The following UNC5D variants were observed in gnomAD, a reference collection of about 807,000 sequenced individuals.
UNC5D encodes the protein netrin receptor UNC5D.
A neutral mutation model predicts 105.4 loss-of-function variants in UNC5D; 39 were observed. The observed-to-expected ratio is 0.37, with a 90% confidence interval of 0.29 to 0.48. The LOEUF is 0.48. Ranked by LOEUF, UNC5D falls within the 20% of genes least tolerant of loss-of-function variation. The pLI, the probability that UNC5D is intolerant of heterozygous loss-of-function variation, is 0.98. For synonymous variants in UNC5D, 452 were observed against 450.4 expected (o/e 1.00, Z -0.04); for missense variants, 991 against 1,202.4 (o/e 0.82, Z 2.60).
chr8:35,494,932 T>A (rs1811449965), intron 1 of UNC5D, among the ~76,000 whole-genome samples: 1 of 152,172 alleles, frequency 6.6e-6, no homozygotes, highest in South Asian at 2.1e-4. Flanking sequence ...CTGGCATTTA[T>A]TCTAGCCTAT....
In UNC5D at chr8:35,341,771, A is replaced by G. The variant is rs1563328228; in HGVS notation, c.103+105884A>G. Among the ~76,000 whole-genome samples, 5 of 152,234 alleles carry G rather than the reference A, an allele frequency of 3.3e-5. No individual in the cohort carries two copies. The East Asian group carries it at 9.7e-4, about 29-fold the overall frequency. On this transcript the variant is annotated intron_variant, in intron 1 of 16. Transcript: ENST00000404895. ...GGAATTAATAGTGAAACATGCAGCA[A>G]CCAGCTAATTTTTTAAAAAATGAGA...
At chr8:35,319,589 T>C (rs974843796) in intron 1 of UNC5D, among the ~76,000 whole-genome samples, 1 of 152,130 alleles carries the variant, frequency 6.6e-6, no homozygotes, top group Non-Finnish European at 1.5e-5. Flanking sequence ...CTCTTTTAAA[T>C]TGGTGGTTAG....
intron 1 of UNC5D, among the ~76,000 whole-genome samples, chr8:35,432,740 T>TTTTTCATC (rs1806730696): frequency 6.6e-6 from 1 of 152,132 alleles, no homozygotes; most frequent in African/African-American, 2.4e-5. Flanking sequence ...TATTTGTGTA[T>TTTTTCATC]TTTTCATCTT....
intron 1 of UNC5D, chr8:35,525,898 C>T (rs1432068994): frequency 2.6e-6 from 2 of 777,302 alleles, no homozygotes; most frequent in Middle Eastern, 3.8e-4. Flanking sequence ...TTTCTTTTCT[C>T]TCCCTGCACT....
chr8:35,728,160 T>C (rs1264137675), intron 10 of UNC5D, among the ~76,000 whole-genome samples: 2 of 150,040 alleles, frequency 1.3e-5, no homozygotes, highest in African/African-American at 2.5e-5. Flanking sequence ...CATTAAGTTA[T>C]GCAATTATCT....
At chr8:35,591,697 C>A (rs1487931221) in intron 3 of UNC5D, among the ~76,000 whole-genome samples, 1 of 152,008 alleles carries the variant, frequency 6.6e-6, no homozygotes, top group African/African-American at 2.4e-5. Context: ...ATTTACTCAC[C>A]AGGTATTTAT....
intron 4 of UNC5D, among the ~76,000 whole-genome samples, chr8:35,670,251 G>C (rs1586382574): frequency 6.6e-6 from 1 of 152,138 alleles, no homozygotes; most frequent in Admixed American, 6.5e-5. Flanking sequence ...CTTAGCAAGA[G>C]CCACTTCGGT....
Position 35,503,637 on chromosome 8 carries a change from A to G in UNC5D, c.104-45655A>G, listed in dbSNP as rs1191692092. On this transcript the variant is annotated intron_variant, in intron 1 of 16. Coordinates refer to ENST00000404895, the MANE Select transcript of UNC5D (RefSeq NM_080872.4). ...CTGTTTTATTCACATTCTCTCAAGA[A>G]GGAAGGAATGGAGGGTAATTAGTAG... Among the ~76,000 whole-genome samples, 2 of 152,218 alleles carry G rather than the reference A, an allele frequency of 1.3e-5. 1 individual carries two copies. Among genetic ancestry groups the G allele is most frequent in the African/African-American group, 4.8e-5 (2 of 41,462 alleles).
chr8:35,566,808 A>C (rs1817371037), intron 2 of UNC5D, among the ~76,000 whole-genome samples: 1 of 152,172 alleles, frequency 6.6e-6, no homozygotes, highest in Non-Finnish European at 1.5e-5. Flanking sequence ...TTTTTCTCCC[A>C]ACCGGCCTAT....
intron 1 of UNC5D, among the ~76,000 whole-genome samples, chr8:35,294,656 T>C (rs1022090504): frequency 7.9e-5 from 12 of 151,960 alleles, no homozygotes; most frequent in African/African-American, 2.9e-4. Context: ...TCGCACCTAT[T>C]GGTGTAGCTG....
At chr8:35,687,230 T>G (rs986046287) in intron 7 of UNC5D, among the ~76,000 whole-genome samples, 1 of 151,918 alleles carries the variant, frequency 6.6e-6, no homozygotes, top group South Asian at 2.1e-4. Flanking sequence ...GATCGCGAGG[T>G]CAGGAGATCG....
chr8:35,615,213 T>TG (rs1296684013), intron 4 of UNC5D, among the ~76,000 whole-genome samples: 2 of 152,176 alleles, frequency 1.3e-5, no homozygotes, highest in Non-Finnish European at 2.9e-5. Context: ...CACTCCAGCG[T>TG]GGGGCCAGAG....
At chr8:35,324,688 A>ATG (rs1435925618) in intron 1 of UNC5D, among the ~76,000 whole-genome samples, 1 of 152,210 alleles carries the variant, frequency 6.6e-6, no homozygotes, top group African/African-American at 2.4e-5. Context: ...TGAGATGACC[A>ATG]TGTTGCTAAA....
At chr8:35,290,363 G>A (rs183621721) in intron 1 of UNC5D, among the ~76,000 whole-genome samples, 1 of 152,172 alleles carries the variant, frequency 6.6e-6, no homozygotes, top group Admixed American at 6.5e-5. Context: ...GATGAATCTG[G>A]AGGACCTTAT....
chr8:35,407,388 A>G (rs1018145847), intron 1 of UNC5D, among the ~76,000 whole-genome samples: 1 of 152,072 alleles, frequency 6.6e-6, no homozygotes, highest in African/African-American at 2.4e-5. Context: ...AGGATTAACT[A>G]TTTTTGATTT....
chr8:35,577,806 G>A (rs967802068), intron 3 of UNC5D, among the ~76,000 whole-genome samples: 1 of 152,128 alleles, frequency 6.6e-6, no homozygotes, highest in African/African-American at 2.4e-5. Flanking sequence ...AAATCCTGTA[G>A]TACACCACTT....
At chr8:35,332,134 A>T (rs1037169649) in intron 1 of UNC5D, among the ~76,000 whole-genome samples, 4 of 152,222 alleles carry the variant, frequency 2.6e-5, no homozygotes, top group Non-Finnish European at 5.9e-5. Context: ...ATATGACCAT[A>T]AACTTTCTGA....
intron 1 of UNC5D, among the ~76,000 whole-genome samples, chr8:35,462,023 G>A (rs1184992908): frequency 1.3e-5 from 2 of 152,120 alleles, no homozygotes; most frequent in African/African-American, 4.8e-5. Flanking sequence ...TGGTATCTGT[G>A]AGCTTTTTGG....
In UNC5D at chr8:35,657,113, T is replaced by A. The variant is rs868496124; in HGVS notation, c.571-26434T>A. 8.4e-5 allele frequency among the ~76,000 whole-genome samples: 10 copies of A among 118,364 alleles called. 1 individual carries two copies. The highest frequency in any genetic ancestry group is 4.2e-4 in the Admixed American group (5 of 11,882). 77.7% of individuals were successfully genotyped at this position (118,364 alleles called of 152,430 possible). ...ATATATATATATATATATATATATATATATATATATGCCAGTTGCTTTTTC... is the reference window on the plus strand; with the variant it reads ...ATATATATATATATATATATATATAAATATATATATGCCAGTTGCTTTTTC... On this transcript the variant is annotated intron_variant, in intron 4 of 16. Transcript: ENST00000404895.
Sources: allele counts gnomAD v4.1 joint callset (sites outside exome capture counted in the v4.1 genomes callset), GRCh38; gene constraint gnomAD v4.1.1; transcripts MANE v1.5; gene names NCBI Gene and HGNC (gene_info 2026-07-23, HGNC 2026-07-21).